The following LITAF variants were observed in gnomAD, a reference collection of about 807,000 sequenced individuals.
The protein encoded by LITAF is lipopolysaccharide induced TNF factor, also known as lipopolysaccharide-induced tumor necrosis factor-alpha factor.
In LITAF, 9 loss-of-function variants were observed where a neutral mutation model predicts 14.5. The ratio of observed to expected loss-of-function variants is 0.62; its 90% confidence interval spans 0.37 to 1.08. The LOEUF (loss-of-function observed/expected upper bound fraction) is 1.08, where lower values mean the gene tolerates loss of function less well. Among genes scored for constraint, LITAF ranks in the 50% least tolerant of loss-of-function variants. LITAF has a pLI of 0.01. For synonymous variants in LITAF, 98 were observed against 88.2 expected, an observed-to-expected ratio of 1.11 and a Z score of -0.62; for missense variants, 206 against 213.4, an observed-to-expected ratio of 0.97 and a Z score of 0.22.
intron 2 of LITAF, among the ~76,000 whole-genome samples, chr16:11,635,532 C>G (rs367607201): frequency 2.6e-5 from 4 of 152,326 alleles, no homozygotes; most frequent in African/African-American, 9.6e-5. Context: ...TTATAATACA[C>G]CAGCTCACAC....
chr16:11,597,778 A>G (rs1379432970), intron 1 of LITAF, among the ~76,000 whole-genome samples: 1 of 152,204 alleles, frequency 6.6e-6, no homozygotes, highest in Non-Finnish European at 1.5e-5. Context: ...CGCAGTCTGA[A>G]GGAGAGCCCT....
chr16:11,556,715 G>A lies in LITAF; in HGVS notation c.16C>T (p.Pro6Ser). The A allele has an allele frequency of 6.2e-7, 1 of 1,614,142 alleles. No homozygotes were observed. The highest frequency in any genetic ancestry group is 8.5e-7 in the Non-Finnish European group (1 of 1,180,016). The change falls in exon 2 of 4, where the codon CCT (proline) becomes TCT (serine). Residue 6 changes from proline (P) to serine (S), a missense_variant. Pro to Ser is a moderately conservative substitution (Grantham distance 74). Transcript: ENST00000622633. ...GAAGGCCCAGTGGCCGCCTGGTAAG[G>A]TCCTGGAACCGACATTTTACCTAAA... The part of the protein sequence containing the change: MSVPG[P>S]YQAATGPSSA...
intron 3 of LITAF, among the ~76,000 whole-genome samples, chr16:11,617,891 G>C (rs996676216): frequency 1.3e-5 from 2 of 151,668 alleles, no homozygotes; most frequent in Non-Finnish European, 2.9e-5. Flanking sequence ...ATGTATTTGA[G>C]ACAGGGTCTC....
chr16:11,578,600 T>C (rs1200529239), intron 1 of LITAF, among the ~76,000 whole-genome samples: 1 of 151,212 alleles, frequency 6.6e-6, no homozygotes, highest in African/African-American at 2.5e-5. Context: ...CTCTCTCTCT[T>C]GATATTAATT....
intron 3 of LITAF, among the ~76,000 whole-genome samples, chr16:11,629,953 G>A (rs984444007): frequency 6.6e-6 from 1 of 152,200 alleles, no homozygotes; most frequent in Non-Finnish European, 1.5e-5. Flanking sequence ...TACGGTGGGA[G>A]ATTTAACATC....
At chr16:11,563,826 C>T (rs151291540) in intron 1 of LITAF, among the ~76,000 whole-genome samples, 131 of 152,170 alleles carry the variant, frequency 8.6e-4, no homozygotes, top group African/African-American at 3.0e-3. Flanking sequence ...TGCATATTTA[C>T]TGCTTCAAGC....
chr16:11,582,745 A>C (rs1466937389), intron 1 of LITAF, among the ~76,000 whole-genome samples: 1 of 152,190 alleles, frequency 6.6e-6, no homozygotes, highest in Non-Finnish European at 1.5e-5. Flanking sequence ...GCGAGGGTCA[A>C]AAAGGTCTGG....
At chr16:11,588,507 A>T (rs2064828809), upstream of LITAF, among the ~76,000 whole-genome samples, 1 of 148,130 alleles carries the variant, frequency 6.8e-6, no homozygotes, top group Non-Finnish European at 1.5e-5. Flanking sequence ...AGAGGGAAAG[A>T]GGGAAAAGAG....
chr16:11,557,070 T>TTTTTGTTTG (rs61350244), intron 1 of LITAF, among the ~76,000 whole-genome samples: 17 of 24,764 alleles, frequency 6.9e-4, no homozygotes, highest in Admixed American at 2.1e-3. Flanking sequence ...CGTTGTTTTT[T>TTTTTGTTTG]TTTGTTTGTT....
intron 3 of LITAF, among the ~76,000 whole-genome samples, chr16:11,617,701 A>C (rs1387136699): frequency 6.6e-6 from 1 of 152,084 alleles, no homozygotes; most frequent in East Asian, 1.9e-4. Context: ...CTGGGATTAC[A>C]GGGGTGAGTC....
intron 3 of LITAF, among the ~76,000 whole-genome samples, chr16:11,615,532 C>T (rs942453376): frequency 6.6e-6 from 1 of 151,456 alleles, no homozygotes; most frequent in African/African-American, 2.4e-5. Flanking sequence ...AGTGAAACTC[C>T]GTCTCAATAA....
At chr16:11,582,139 G>A (rs1266245338) in intron 1 of LITAF, among the ~76,000 whole-genome samples, 1 of 152,116 alleles carries the variant, frequency 6.6e-6, no homozygotes, top group East Asian at 1.9e-4. Context: ...TGATGAACAT[G>A]CCAATTACTC....
chr16:11,550,965 T>C (rs550430815), intron 3 of LITAF, among the ~76,000 whole-genome samples: 2 of 152,296 alleles, frequency 1.3e-5, no homozygotes, highest in East Asian at 3.9e-4. Context: ...AACCCCCGTC[T>C]TACTGATCTC....
rs2064273901 is a variant in LITAF at position 11,556,618 on chromosome 16, G to A, written c.113C>T (p.Ala38Val). ...AVNSYYPTPP[A>V]PMPGPTTGLV... Reference sequence around the variant, plus strand: ...CCCCGTAGTTGGCCCAGGCATGGGAGCTGGAGGTGTGGGGTAATAACTGTT... The same window carrying A: ...CCCCGTAGTTGGCCCAGGCATGGGAACTGGAGGTGTGGGGTAATAACTGTT... Residue 38 changes from alanine (A) to valine (V), a missense_variant, in exon 2 of 4, where the codon GCT (alanine) becomes GTT (valine). Transcript: ENST00000622633. The A allele has an allele frequency of 2.5e-6, 4 of 1,614,114 alleles. No homozygotes were observed. In the South Asian group the frequency reaches 3.3e-5, roughly 13 times the overall value.
At position 11,553,858 on chromosome 16, in the gene LITAF, G is replaced by A. The variant is rs940314909; in HGVS notation, c.221-169C>T. On this transcript the variant is annotated intron_variant, in intron 2 of 3. Coordinates refer to ENST00000622633, the MANE Select transcript of LITAF (RefSeq NM_001136472.2). The surrounding 1 kb of genome is among the most constrained non-coding windows in gnomAD (Gnocchi z 7.7). ...CTATCTATGAGAGCCAAAAGGGGAAGGAACACCAGTGTCCATCGACGGACC... is the reference window on the plus strand; with the variant it reads ...CTATCTATGAGAGCCAAAAGGGGAAAGAACACCAGTGTCCATCGACGGACC... 4.3e-6 allele frequency: 3 copies of A among 701,154 alleles called. No individual in the cohort carries two copies. The African/African-American group carries it at 5.3e-5, about 12-fold the overall frequency. The allele number at this position is 701,154 out of a possible 1,614,324, so 43.4% of individuals were successfully genotyped here. A position where few individuals can be genotyped will look rare whatever the true frequency, so the allele number is the denominator to read the frequency against.
intron 1 of LITAF, among the ~76,000 whole-genome samples, chr16:11,564,520 C>G (rs981065090): frequency 1.1e-4 from 17 of 152,012 alleles, no homozygotes; most frequent in African/African-American, 4.1e-4. Flanking sequence ...TTTGCACAAT[C>G]AAACCTGCAG....
Position 11,605,273 on chromosome 16 carries a change from C to T in LITAF, c.85+28260G>A, listed in dbSNP as rs531812588. ...GGGCTGTGACAAGTGCCTGTGTCCC[C>T]GTGGGGAATGTGGCCCCTAGTATTC... On this transcript the variant is annotated intron_variant, in intron 3 of 3. Coordinates refer to the LITAF transcript ENST00000574848. The surrounding 1 kb of genome is among the most constrained non-coding windows in gnomAD (Gnocchi z 4.7). Among the ~76,000 whole-genome samples the T allele has an allele frequency of 6.6e-6, 1 of 152,284 alleles. No individual in the cohort carries two copies. Among genetic ancestry groups the T allele is most frequent in the East Asian group, 1.9e-4 (1 of 5,182 alleles).
intron 3 of LITAF, among the ~76,000 whole-genome samples, chr16:11,620,167 C>CAAAA (rs533195309): frequency 3.0e-5 from 2 of 67,370 alleles, no homozygotes; most frequent in African/African-American, 5.1e-5. Flanking sequence ...GAGTCCGTCT[C>CAAAA]AAAAAAAAAA....
chr16:11,603,079 A>C (rs2064937135), upstream of LITAF, among the ~76,000 whole-genome samples: 1 of 152,212 alleles, frequency 6.6e-6, no homozygotes, highest in African/African-American at 2.4e-5. Flanking sequence ...ACACCACTGC[A>C]TTCCAGCCTG....
Sources: allele counts gnomAD v4.1 joint callset (sites outside exome capture counted in the v4.1 genomes callset), GRCh38; gene constraint gnomAD v4.1.1; non-coding constraint Gnocchi (gnomAD v3.1); transcripts MANE v1.5; gene names NCBI Gene and HGNC (gene_info 2026-07-23, HGNC 2026-07-21).